FOCAD: variants seen among roughly 807,000 people sequenced by gnomAD.
FOCAD encodes KIAA1797.
Under a neutral mutation model 225.6 loss-of-function variants are expected in FOCAD, and 198 were observed. The ratio of observed to expected loss-of-function variants is 0.88; its 90% CI spans 0.78 to 0.99. The LOEUF (loss-of-function observed/expected upper bound fraction) is 0.99, where lower values mean the gene tolerates loss of function less well. Ranked by LOEUF, FOCAD falls within the 50% of genes least tolerant of loss-of-function variation. The probability of loss-of-function intolerance (pLI) is 0.00; values close to 1 mark genes in which losing one functional copy is unlikely to be tolerated. For synonymous variants in FOCAD, 897 were observed against 755.0 expected (o/e 1.19, Z -3.08); for missense variants, 2,713 against 2,123.6 (o/e 1.28, Z -5.46).
chr9:20,888,560 CTT>C (rs1564115852), intron 21 of FOCAD, among the ~76,000 whole-genome samples: 2 of 151,922 alleles, frequency 1.3e-5, no homozygotes, highest in Non-Finnish European at 1.5e-5. Context: ...TTTTCATTTT[CTT>C]TTTTCCTGTG....
intron 28 of FOCAD, 81 bp downstream of exon 28, chr9:20,933,184 A>C (rs948825347): frequency 2.0e-6 from 2 of 977,456 alleles, no homozygotes; most frequent in African/African-American, 3.3e-5. Context: ...GCTATGGAGA[A>C]ATATTTTTTA....
chr9:20,723,493 C>G (rs962035073), intron 4 of FOCAD, among the ~76,000 whole-genome samples: 2 of 152,138 alleles, frequency 1.3e-5, no homozygotes, highest in Admixed American at 1.3e-4. Flanking sequence ...GACTTGGTCT[C>G]AAAAGAGAAA....
In FOCAD at chr9:20,825,942, C is replaced by G. The variant is rs147384247; in HGVS notation, c.1920+2827C>G. Among the ~76,000 whole-genome samples the G allele has an allele frequency of 4.1e-3, 623 of 152,092 alleles. 11 individuals carry two copies. Among genetic ancestry groups the G allele is most frequent in the East Asian group, 0.023 (119 of 5,158 alleles). ...GAAGGTTGTAGGAATCTTGGCTGAC[C>G]ATAAAGGCAAGAATTTAGTCTGGCT... On this transcript the variant is annotated intron_variant, in intron 15 of 43. Transcript: ENST00000338382.
intron 21 of FOCAD, among the ~76,000 whole-genome samples, chr9:20,890,304 T>C (rs975007767): frequency 6.6e-6 from 1 of 151,936 alleles, no homozygotes; most frequent in African/African-American, 2.4e-5. Flanking sequence ...GATGTTTATA[T>C]ACAGATTTTG....
chr9:20,671,858 A>G (rs1166205953), intron 2 of FOCAD, among the ~76,000 whole-genome samples: 1 of 152,208 alleles, frequency 6.6e-6, no homozygotes, highest in Non-Finnish European at 1.5e-5. Context: ...GCTGGCTTGT[A>G]CAGGCTCCTG....
intron 4 of FOCAD, among the ~76,000 whole-genome samples, chr9:20,734,432 T>A (rs2131623463): frequency 6.6e-6 from 1 of 152,344 alleles, no homozygotes; most frequent in South Asian, 2.1e-4. Flanking sequence ...AATTGAATAT[T>A]CCGTTCAAAT....
intron 4 of FOCAD, among the ~76,000 whole-genome samples, chr9:20,739,602 TA>T (rs77597569): frequency 0.19 from 26,508 of 139,738 alleles, 2,557 homozygotes; most frequent in Non-Finnish European, 0.24. Context: ...AAACTCCATC[TA>T]AAAAAAAAAA....
At chr9:20,688,013 T>C (rs1822765399) in intron 1 of FOCAD, among the ~76,000 whole-genome samples, 1 of 152,044 alleles carries the variant, frequency 6.6e-6, no homozygotes, top group Non-Finnish European at 1.5e-5. Flanking sequence ...TGAGGACAAA[T>C]AGATAGGTTA....
chr9:20,810,789 T>G (rs1822976699), intron 11 of FOCAD, among the ~76,000 whole-genome samples: 2 of 151,932 alleles, frequency 1.3e-5, no homozygotes, highest in African/African-American at 4.8e-5. Flanking sequence ...CCAGGAAGGG[T>G]CGTGGCTATT....
chr9:20,841,015 A>G (rs1341658804), intron 15 of FOCAD, among the ~76,000 whole-genome samples: 1 of 151,974 alleles, frequency 6.6e-6, no homozygotes, highest in Non-Finnish European at 1.5e-5. Flanking sequence ...TTCTATTGAT[A>G]CGATATGTCA....
At chr9:20,756,641 A>C (rs1480825846) in intron 5 of FOCAD, among the ~76,000 whole-genome samples, 2 of 152,180 alleles carry the variant, frequency 1.3e-5, no homozygotes, top group African/African-American at 4.8e-5. Flanking sequence ...ATAGCAGTGC[A>C]TCAGAATTTC....
chr9:20,930,971 C>T (rs967990965), intron 27 of FOCAD, among the ~76,000 whole-genome samples: 1 of 152,128 alleles, frequency 6.6e-6, no homozygotes, highest in African/African-American at 2.4e-5. Context: ...CATGCTCTTT[C>T]TTTGGTATCT....
intron 15 of FOCAD, among the ~76,000 whole-genome samples, chr9:20,853,108 C>G (rs1003042232): frequency 6.6e-6 from 1 of 151,590 alleles, no homozygotes; most frequent in Non-Finnish European, 1.5e-5. Context: ...AGAATGTCCA[C>G]CAAAAAATAG....
chr9:20,965,634 A>T lies in FOCAD; in HGVS notation c.4133-10786A>T, dbSNP rs2132497671. 2.0e-5 allele frequency among the ~76,000 whole-genome samples: 3 copies of T among 152,186 alleles called. No homozygotes were observed. The South Asian group carries it at 6.2e-4, about 32-fold the overall frequency. On this transcript the variant is annotated intron_variant, in intron 35 of 43. Transcript: ENST00000338382. ...GTGGTGCCATCACGACTATTTCCAG[A>T]ATGTTTTCATTACCCCAAGAGGAAA...
At chr9:20,827,579 A>G (rs1440683291) in intron 15 of FOCAD, among the ~76,000 whole-genome samples, 1 of 151,976 alleles carries the variant, frequency 6.6e-6, no homozygotes, top group African/African-American at 2.4e-5. Flanking sequence ...AGATCCTGCC[A>G]TTTGGGACAG....
At chr9:20,916,992 A>T in intron 24 of FOCAD, 55 bp downstream of exon 24, 1 of 1,390,078 alleles carries the variant, frequency 7.2e-7, no homozygotes, top group Non-Finnish European at 9.9e-7. Flanking sequence ...TTTTCCTGGC[A>T]GGTACATACA....
chr9:20,782,531 A>G (rs972518419), intron 10 of FOCAD, among the ~76,000 whole-genome samples: 1 of 152,182 alleles, frequency 6.6e-6, no homozygotes, highest in Non-Finnish European at 1.5e-5. Context: ...TCCTGTTACA[A>G]TAACGTGAAA....
rs7871811 is a variant in FOCAD, at chr9:20,765,098, A to T, written c.699+25A>T. On this transcript the variant is annotated intron_variant, in intron 7 of 43. Transcript: ENST00000338382. ...GGTAAGGTCTTTGTCCTCCTCCACA[A>T]ATATAGGTCAGCATCAGTAAGTGTT... The T allele has an allele frequency of 8.0e-5, 128 of 1,592,058 alleles. 7 individuals carry two copies. In the South Asian group the frequency reaches 1.4e-3, roughly 17 times the overall value.
rs908013348 is a variant in FOCAD at position 20,671,867 on chromosome 9, T to C, written c.-78+13041T>C. Among the ~76,000 whole-genome samples, 48 of 152,214 alleles carry C rather than the reference T, an allele frequency of 3.2e-4. 1 individual carries two copies. Among genetic ancestry groups the C allele is most frequent in the Admixed American group, 2.9e-3 (44 of 15,284 alleles). On this transcript the variant is annotated intron_variant, in intron 2 of 45. Coordinates refer to the FOCAD transcript ENST00000380249. ...GCTGCCGCTGGCTTGTACAGGCTCC[T>C]GAGAGCTAATTGTGTACACCTCTTT...
Sources: gnomAD v4.1 joint callset for allele counts (sites outside exome capture counted in the v4.1 genomes callset) on GRCh38, gnomAD v4.1.1 for gene constraint, MANE v1.5 for transcripts, NCBI Gene and HGNC (gene_info 2026-07-23, HGNC 2026-07-21) for gene names.